GMPR: variants seen among roughly 807,000 people sequenced by gnomAD.
The protein encoded by GMPR is GMP reductase 1.
Under a neutral mutation model 38.4 loss-of-function variants are expected in GMPR, and 31 were observed. The ratio of observed to expected loss-of-function variants is 0.81; its 90% CI spans 0.61 to 1.09. The LOEUF (loss-of-function observed/expected upper bound fraction) is 1.09. Ranked by LOEUF, GMPR falls within the 50% of genes least tolerant of loss-of-function variation. The probability of loss-of-function intolerance (pLI) is 0.00; values close to 1 mark genes in which losing one functional copy is unlikely to be tolerated. For synonymous variants in GMPR, 162 were observed against 173.3 expected (o/e 0.93, Z 0.51); for missense variants, 468 against 453.7 (o/e 1.03, Z -0.29).
intron 6 of GMPR, among the ~76,000 whole-genome samples, chr6:16,281,735 C>A (rs1259945980): frequency 6.6e-6 from 1 of 151,960 alleles, no homozygotes; most frequent in Non-Finnish European, 1.5e-5. Flanking sequence ...GTCTCGAACT[C>A]CTGACCTCAT....
At chr6:16,249,834 G>A (rs1490729829) in intron 2 of GMPR, among the ~76,000 whole-genome samples, 2 of 152,252 alleles carry the variant, frequency 1.3e-5, no homozygotes. Context: ...GAGCACAAGA[G>A]AAAGCTTTCA....
At chr6:16,242,361 G>C (rs972256822) in intron 1 of GMPR, among the ~76,000 whole-genome samples, 1 of 147,358 alleles carries the variant, frequency 6.8e-6, no homozygotes, top group Non-Finnish European at 1.5e-5. Flanking sequence ...ACCTTTGCCT[G>C]TATGCTGGTT....
intron 4 of GMPR, among the ~76,000 whole-genome samples, chr6:16,258,446 A>G (rs1011636620): frequency 2.0e-5 from 3 of 152,190 alleles, no homozygotes; most frequent in African/African-American, 4.8e-5. Context: ...GACGAGGGAA[A>G]GGGTGTTGTT....
At chr6:16,249,997 G>T (rs1244659290) in intron 2 of GMPR, among the ~76,000 whole-genome samples, 1 of 152,118 alleles carries the variant, frequency 6.6e-6, no homozygotes, top group Non-Finnish European at 1.5e-5. Flanking sequence ...GGTGGGCTGG[G>T]TAGGGCTCTG....
At chr6:16,284,858 A>AAT (rs1393088108) in intron 6 of GMPR, among the ~76,000 whole-genome samples, 3 of 152,024 alleles carry the variant, frequency 2.0e-5, no homozygotes, top group Non-Finnish European at 2.9e-5. Context: ...CGTCTCTACT[A>AAT]AAAGTACAAA....
intron 1 of GMPR, among the ~76,000 whole-genome samples, chr6:16,240,881 A>G (rs1288985926): frequency 1.3e-5 from 2 of 152,094 alleles, no homozygotes; most frequent in Non-Finnish European, 2.9e-5. Flanking sequence ...CAGGTTAACC[A>G]GCATTGCCTT....
intron 1 of GMPR, among the ~76,000 whole-genome samples, chr6:16,242,866 G>T (rs1327937008): frequency 1.3e-5 from 2 of 152,250 alleles, no homozygotes; most frequent in East Asian, 3.9e-4. Context: ...TTGAACTCTC[G>T]ACCTCAGGTG....
intron 6 of GMPR, among the ~76,000 whole-genome samples, chr6:16,280,131 C>G (rs1381812636): frequency 2.0e-5 from 3 of 152,128 alleles, no homozygotes; most frequent in African/African-American, 7.2e-5. Flanking sequence ...AGGTTCGGGG[C>G]TGGTGTGGTG....
intron 4 of GMPR, among the ~76,000 whole-genome samples, chr6:16,269,471 G>T (rs917427655): frequency 1.3e-5 from 2 of 152,142 alleles, no homozygotes; most frequent in African/African-American, 4.8e-5. Flanking sequence ...GCAATAACAA[G>T]ATACCATAAA....
At position 16,287,869 on chromosome 6, in the gene GMPR, C is replaced by T. The variant is rs190967619; in HGVS notation, c.697+2034C>T. Among the ~76,000 whole-genome samples the T allele has an allele frequency of 3.9e-5, 6 of 152,288 alleles. No individual in the cohort carries two copies. In the East Asian group the frequency reaches 1.2e-3, roughly 29 times the overall value. On this transcript the variant is annotated intron_variant, in intron 7 of 8. Coordinates refer to ENST00000259727, the MANE Select transcript of GMPR (RefSeq NM_006877.4). ...TTTCTGTCATGCTGAACTGTAACGC[C>T]AATGAAAACCTCAGAGTGCTCTGCC...
chr6:16,251,274 G>A (rs1758869320), intron 3 of GMPR, among the ~76,000 whole-genome samples: 1 of 152,096 alleles, frequency 6.6e-6, no homozygotes, highest in Non-Finnish European at 1.5e-5. Context: ...TTCACTAAGT[G>A]AAAAAGCCAG....
intron 4 of GMPR, 125 bp from the exon 5 acceptor site, chr6:16,274,290 T>A: frequency 1.5e-6 from 1 of 663,684 alleles, no homozygotes; most frequent in Non-Finnish European, 2.7e-6. Flanking sequence ...TCTGTGTTCC[T>A]TTTTTGTCCC....
At chr6:16,266,143 GAGCTGTAACACTTGCCATCTTTAA>G (rs1759211119) in intron 4 of GMPR, among the ~76,000 whole-genome samples, 1 of 126,668 alleles carries the variant, frequency 7.9e-6, no homozygotes. Flanking sequence ...CCATCTTTAA[GAGCTGTAACACTTGCCATCTTTAA>G]GAGCTGTAAC....
intron 4 of GMPR, among the ~76,000 whole-genome samples, chr6:16,274,172 G>A (rs541529929): frequency 2.0e-5 from 3 of 152,014 alleles, no homozygotes; most frequent in Non-Finnish European, 4.4e-5. Flanking sequence ...GCCCTGACCT[G>A]GACTCTCTAA....
intron 4 of GMPR, among the ~76,000 whole-genome samples, chr6:16,268,241 A>C (rs542076791): frequency 6.0e-4 from 91 of 152,328 alleles, no homozygotes; most frequent in African/African-American, 1.9e-3. Context: ...TTGCCTGGAT[A>C]GCAACTATTT....
At chr6:16,239,634 G>T (rs1328663429) in intron 1 of GMPR, among the ~76,000 whole-genome samples, 1 of 152,230 alleles carries the variant, frequency 6.6e-6, no homozygotes, top group Non-Finnish European at 1.5e-5. Context: ...TTGAAGGCTG[G>T]GGCTGAAGGA....
rs1015129602 is a variant in GMPR, at chr6:16,289,806, T to C, written c.698-656T>C. 1.5e-4 allele frequency: 22 copies of C among 149,902 alleles called. 1 individual carries two copies. The highest frequency in any genetic ancestry group is 5.2e-4 in the African/African-American group (21 of 40,456). 9.3% of individuals were successfully genotyped at this position (149,902 alleles called of 1,614,324 possible). ...GGGTATCATAGAGGAGTCATAGCAT[T>C]AAGTACAAGATTAGGTAACTTGCTT... On this transcript the variant is annotated intron_variant, in intron 7 of 8. Coordinates refer to ENST00000259727, the MANE Select transcript of GMPR (RefSeq NM_006877.4).
chr6:16,258,779 G>C (rs1425806840), intron 4 of GMPR, among the ~76,000 whole-genome samples: 1 of 152,172 alleles, frequency 6.6e-6, no homozygotes, highest in African/African-American at 2.4e-5. Context: ...ATGGCTTTTG[G>C]AGGCATTGTG....
chr6:16,271,599 G>C (rs552025287), intron 4 of GMPR, among the ~76,000 whole-genome samples: 3 of 152,154 alleles, frequency 2.0e-5, no homozygotes, highest in Non-Finnish European at 4.4e-5. Flanking sequence ...ACTGGAGCTC[G>C]CGCCCTGCTT....
Sources: gnomAD v4.1 joint callset for allele counts (sites outside exome capture counted in the v4.1 genomes callset) on GRCh38, gnomAD v4.1.1 for gene constraint, MANE v1.5 for transcripts, NCBI Gene and HGNC (gene_info 2026-07-23, HGNC 2026-07-21) for gene names.